ARL5A: variants seen among roughly 807,000 people sequenced by gnomAD.
ARL5A encodes ADP-ribosylation factor-like protein 5A.
ARL5A carries 18 observed loss-of-function variants against 25.9 expected under a neutral mutation model. The ratio of observed to expected loss-of-function variants is 0.69; its 90% CI spans 0.48 to 1.03. The LOEUF (loss-of-function observed/expected upper bound fraction) is 1.03, where lower values mean the gene tolerates loss of function less well. ARL5A is among the 50% of genes least tolerant of loss of function. The pLI, the probability that ARL5A is intolerant of heterozygous loss-of-function variation, is 0.00. For missense variants in ARL5A, 170 were observed against 211.9 expected (o/e 0.80, Z 1.23); for synonymous variants, 61 against 67.5 (o/e 0.90, Z 0.47).
intron 2 of ARL5A, among the ~76,000 whole-genome samples, chr2:151,814,528 T>C (rs1356597881): frequency 6.6e-6 from 1 of 152,104 alleles, no homozygotes; most frequent in African/African-American, 2.4e-5. Flanking sequence ...CAGGAAACTT[T>C]ATAGTTTCTA....
intron 1 of ARL5A, among the ~76,000 whole-genome samples, chr2:151,820,898 A>G (rs1578381188): frequency 6.6e-6 from 1 of 152,146 alleles, no homozygotes; most frequent in East Asian, 1.9e-4. Flanking sequence ...TAAAATGGCT[A>G]TGAACAAGAG....
intron 1 of ARL5A, among the ~76,000 whole-genome samples, chr2:151,823,291 C>T (rs1230967309): frequency 6.6e-6 from 1 of 151,998 alleles, no homozygotes; most frequent in Non-Finnish European, 1.5e-5. Context: ...CTGCTTAAGT[C>T]GTTTTGTATT....
At chr2:151,814,378 T>C (rs72866498) in intron 2 of ARL5A, 62 bp from the exon 3 acceptor site, 55,155 of 1,335,534 alleles carry the variant, frequency 0.041, 1,322 homozygotes, top group Non-Finnish European at 0.049. Context: ...TGAACAATTT[T>C]TTAATCAAGG....
At chr2:151,811,675 G>A (rs1019328213) in intron 4 of ARL5A, among the ~76,000 whole-genome samples, 4 of 152,278 alleles carry the variant, frequency 2.6e-5, no homozygotes, top group East Asian at 1.9e-4. Context: ...GGGCTCAAGC[G>A]ATCTACTCGC....
chr2:151,804,865 C>A (rs996046662), intron 5 of ARL5A, among the ~76,000 whole-genome samples: 14 of 152,110 alleles, frequency 9.2e-5, no homozygotes, highest in African/African-American at 3.4e-4. Flanking sequence ...AATACTAAAA[C>A]CAATAATTTA....
At chr2:151,818,650 G>C (rs2099831851) in intron 1 of ARL5A, among the ~76,000 whole-genome samples, 1 of 152,178 alleles carries the variant, frequency 6.6e-6, no homozygotes, top group Non-Finnish European at 1.5e-5. Context: ...AGGTACCTTT[G>C]CACCTAGAAA....
At chr2:151,819,770 C>A (rs1435862232) in intron 1 of ARL5A, among the ~76,000 whole-genome samples, 1 of 151,516 alleles carries the variant, frequency 6.6e-6, no homozygotes, top group Non-Finnish European at 1.5e-5. Context: ...AAAAAAGACT[C>A]TTAGGCCAGG....
chr2:151,823,861 A>C (rs1265916072), intron 1 of ARL5A, among the ~76,000 whole-genome samples: 1 of 152,208 alleles, frequency 6.6e-6, no homozygotes, highest in Non-Finnish European at 1.5e-5. Flanking sequence ...GCTGACCACT[A>C]TGCAGTACAA....
intron 1 of ARL5A, among the ~76,000 whole-genome samples, chr2:151,819,869 G>A (rs1578380392): frequency 6.6e-6 from 1 of 151,866 alleles, no homozygotes; most frequent in Admixed American, 6.6e-5. Context: ...GCCTGGCCAA[G>A]ATGGTGAAAC....
intron 4 of ARL5A, among the ~76,000 whole-genome samples, chr2:151,809,544 A>G (rs2099830548): frequency 6.6e-6 from 1 of 152,230 alleles, no homozygotes; most frequent in Admixed American, 6.5e-5. Context: ...ATATATTAGA[A>G]CAGTAGAAAA....
chr2:151,800,684 A>G lies in ARL5A; in HGVS notation c.*2592T>C, dbSNP rs1255471911. 6.6e-6 allele frequency: 1 copy of G among 152,220 alleles called. No homozygotes were observed. The highest frequency in any genetic ancestry group is 1.5e-5 in the Non-Finnish European group (1 of 68,034). 9.4% of individuals were successfully genotyped at this position (152,220 alleles called of 1,614,324 possible). A position where few individuals can be genotyped will look rare whatever the true frequency, so the allele number is the denominator to read the frequency against. ...AATTTCAAACAAGAACCCTCTATAT[A>G]ATGTGTAAGATGTACTTTTACAGAT... On this transcript the variant is annotated 3_prime_UTR_variant, in exon 6 of 6. Coordinates refer to ENST00000295087, the MANE Select transcript of ARL5A (RefSeq NM_012097.4).
chr2:151,812,256 T>A (rs937737959), intron 4 of ARL5A, 101 bp downstream of exon 4: 2 of 730,522 alleles, frequency 2.7e-6, no homozygotes, highest in African/African-American at 3.6e-5. Context: ...TAATTATTTT[T>A]AAAAATTTGA....
chr2:151,819,751 TG>T (rs1244895693), intron 1 of ARL5A, among the ~76,000 whole-genome samples: 6 of 144,524 alleles, frequency 4.2e-5, no homozygotes, highest in Non-Finnish European at 6.0e-5. Flanking sequence ...CAAAAACTAC[TG>T]AAAAAAAAAA....
At chr2:151,812,023 T>C (rs1291089892) in intron 4 of ARL5A, among the ~76,000 whole-genome samples, 1 of 152,210 alleles carries the variant, frequency 6.6e-6, no homozygotes, top group African/African-American at 2.4e-5. Context: ...TACTTTAAAA[T>C]CTCATTTCCA....
chr2:151,808,151 G>A (rs2099830330), intron 4 of ARL5A, among the ~76,000 whole-genome samples: 1 of 152,300 alleles, frequency 6.6e-6, no homozygotes, highest in East Asian at 1.9e-4. Context: ...ACTGGGCCAA[G>A]AATCCATGAA....
chr2:151,828,380 G>A lies in ARL5A; in HGVS notation c.-204C>T, dbSNP rs986791145. The A allele has an allele frequency of 1.3e-5, 6 of 452,460 alleles. No homozygotes were observed. The highest frequency in any genetic ancestry group is 2.3e-5 in the Non-Finnish European group (6 of 259,028). 28.0% of individuals were successfully genotyped at this position (452,460 alleles called of 1,614,324 possible). On this transcript the variant is annotated 5_prime_UTR_variant, in exon 1 of 6. Transcript: ENST00000295087. ...CGCAAGGCCCCGCCGCTGCCGCCGC[G>A]GCACTCGCCTGGCTCGCGGACATCG... is the stretch of plus-strand genomic sequence containing the variant.
chr2:151,805,016 AT>A (rs1578370771), intron 5 of ARL5A, among the ~76,000 whole-genome samples: 1 of 152,138 alleles, frequency 6.6e-6, no homozygotes, highest in African/African-American at 2.4e-5. Context: ...CTAATGATAC[AT>A]TTTCCATACA....
At chr2:151,820,660 CA>C (rs71410438) in intron 1 of ARL5A, among the ~76,000 whole-genome samples, 79 of 45,064 alleles carry the variant, frequency 1.8e-3, no homozygotes, top group African/African-American at 7.3e-3. Context: ...ATCCTGTCTC[CA>C]AAAAAAAAAA....
intron 1 of ARL5A, chr2:151,827,902 A>G: frequency 1.8e-6 from 1 of 547,318 alleles, no homozygotes; most frequent in Non-Finnish European, 3.2e-6. Context: ...ATTACGGAAA[A>G]GACTTCTTAG....
Sources: gnomAD v4.1 joint callset for allele counts (sites outside exome capture counted in the v4.1 genomes callset) on GRCh38, gnomAD v4.1.1 for gene constraint, MANE v1.5 for transcripts, NCBI Gene and HGNC (gene_info 2026-07-23, HGNC 2026-07-21) for gene names.